NRG3: variants seen among roughly 807,000 people sequenced by gnomAD.
NRG3 encodes neuregulin 3, also known as pro-neuregulin-3, membrane-bound isoform.
Under a neutral mutation model 66.9 loss-of-function variants are expected in NRG3, and 31 were observed. That is an observed-to-expected ratio of 0.46 (90% CI 0.35 to 0.63). NRG3 has a LOEUF of 0.63. Ranked by LOEUF, NRG3 falls within the 20% of genes least tolerant of loss-of-function variation. NRG3 has a pLI of 0.00. For synonymous variants in NRG3, 393 were observed against 359.4 expected, an observed-to-expected ratio of 1.09 and a Z score of -1.06; for missense variants, 910 against 878.9, an observed-to-expected ratio of 1.04 and a Z score of -0.45.
chr10:82,126,339 CAT>C (rs1363755373), intron 1 of NRG3, among the ~76,000 whole-genome samples: 1 of 151,938 alleles, frequency 6.6e-6, no homozygotes, highest in African/African-American at 2.4e-5. Context: ...TTTCTACAAA[CAT>C]GTAGAACAAA....
chr10:82,508,736 A>C (rs1484633284), intron 2 of NRG3, among the ~76,000 whole-genome samples: 1 of 152,160 alleles, frequency 6.6e-6, no homozygotes, highest in African/African-American at 2.4e-5. Flanking sequence ...TGTTGAACCA[A>C]GTGGGATGCT....
At chr10:82,457,716 C>G (rs1357419625) in intron 2 of NRG3, among the ~76,000 whole-genome samples, 1 of 152,174 alleles carries the variant, frequency 6.6e-6, no homozygotes, top group Non-Finnish European at 1.5e-5. Flanking sequence ...TCAGCACACA[C>G]TGGGAGCACA....
At position 82,395,642 on chromosome 10, in the gene NRG3, A is replaced by G. The variant is rs1383550557; in HGVS notation, c.953+36774A>G. ...TCATCCTTCCATCATTCATCCATCCATCTATCCATTTATCCATCCATCCAT... is the reference window on the plus strand; with the variant it reads ...TCATCCTTCCATCATTCATCCATCCGTCTATCCATTTATCCATCCATCCAT... On this transcript the variant is annotated intron_variant, in intron 2 of 8. Coordinates refer to ENST00000372141, the MANE Select transcript of NRG3 (RefSeq NM_001010848.4). Among the ~76,000 whole-genome samples, 5 of 152,108 alleles carry G rather than the reference A, an allele frequency of 3.3e-5. No individual in the cohort carries two copies. The South Asian group carries it at 8.3e-4, about 25-fold the overall frequency.
At chr10:82,783,178 A>G (rs2060192632) in intron 3 of NRG3, among the ~76,000 whole-genome samples, 1 of 152,194 alleles carries the variant, frequency 6.6e-6, no homozygotes, top group Non-Finnish European at 1.5e-5. Flanking sequence ...AAAAACTCTC[A>G]ATAAATTAGG....
intron 1 of NRG3, among the ~76,000 whole-genome samples, chr10:81,971,054 C>T (rs2059915586): frequency 1.3e-5 from 2 of 152,106 alleles, no homozygotes; most frequent in African/African-American, 4.8e-5. Context: ...ATAGGAGAAT[C>T]GCTTGAACCT....
chr10:82,047,319 T>C (rs1345075190), intron 1 of NRG3, among the ~76,000 whole-genome samples: 1 of 151,780 alleles, frequency 6.6e-6, no homozygotes, highest in African/African-American at 2.4e-5. Context: ...AAAGTTGAAA[T>C]GAAGGAGAAA....
chr10:82,808,688 A>G (rs376932558), intron 3 of NRG3, among the ~76,000 whole-genome samples: 2 of 152,198 alleles, frequency 1.3e-5, no homozygotes, highest in African/African-American at 4.8e-5. Context: ...CCCATGCTTC[A>G]TGTTTTAAAT....
chr10:82,952,998 C>G (rs1002189485), intron 5 of NRG3, among the ~76,000 whole-genome samples: 5 of 151,932 alleles, frequency 3.3e-5, no homozygotes, highest in Non-Finnish European at 7.3e-5. Context: ...GTACATTTGT[C>G]ACAATTAATG....
chr10:82,550,925 G>T (rs1031741281), intron 2 of NRG3, among the ~76,000 whole-genome samples: 2 of 151,994 alleles, frequency 1.3e-5, no homozygotes, highest in African/African-American at 4.8e-5. Flanking sequence ...TTAGCATTCG[G>T]GTACTTGGTT....
At chr10:82,616,744 G>T (rs932297085) in intron 2 of NRG3, among the ~76,000 whole-genome samples, 1 of 152,056 alleles carries the variant, frequency 6.6e-6, no homozygotes, top group African/African-American at 2.4e-5. Flanking sequence ...TGAACTGTTT[G>T]CTTCTATATT....
intron 2 of NRG3, among the ~76,000 whole-genome samples, chr10:82,720,663 T>C (rs2134497036): frequency 6.6e-6 from 1 of 152,010 alleles, no homozygotes; most frequent in East Asian, 1.9e-4. Context: ...TGTAATGCTC[T>C]CAGCACATGG....
intron 3 of NRG3, among the ~76,000 whole-genome samples, chr10:82,821,197 T>C (rs1450107244): frequency 1.3e-5 from 2 of 152,186 alleles, no homozygotes; most frequent in African/African-American, 4.8e-5. Context: ...AGCTGCCCTC[T>C]TTGTGGCATC....
chr10:82,898,929 C>T (rs1843941666), intron 4 of NRG3, among the ~76,000 whole-genome samples: 1 of 151,816 alleles, frequency 6.6e-6, no homozygotes, highest in Non-Finnish European at 1.5e-5. Context: ...GCCAGAGGGT[C>T]TCAATCTCCT....
chr10:82,278,328 A>G (rs1211675150), intron 1 of NRG3, among the ~76,000 whole-genome samples: 1 of 152,038 alleles, frequency 6.6e-6, no homozygotes, highest in Non-Finnish European at 1.5e-5. Flanking sequence ...GAAGACCTAC[A>G]CATCTTGCTG....
chr10:82,008,049 C>T (rs777354920), intron 1 of NRG3, among the ~76,000 whole-genome samples: 5 of 152,156 alleles, frequency 3.3e-5, no homozygotes, highest in Non-Finnish European at 5.9e-5. Context: ...TTGCCAGGCA[C>T]AGCTGGTTTT....
At chr10:81,944,703 T>C (rs1482397435) in intron 1 of NRG3, among the ~76,000 whole-genome samples, 3 of 152,096 alleles carry the variant, frequency 2.0e-5, no homozygotes, top group African/African-American at 7.2e-5. Flanking sequence ...AAAACAAGGC[T>C]GATCTTCCGT....
chr10:82,109,108 A>G (rs1322190736), intron 1 of NRG3, among the ~76,000 whole-genome samples: 1 of 152,204 alleles, frequency 6.6e-6, no homozygotes, highest in Non-Finnish European at 1.5e-5. Context: ...CTTGAATAAA[A>G]GAACCAATTA....
At chr10:82,749,283 C>G (rs867059509) in intron 3 of NRG3, among the ~76,000 whole-genome samples, 1 of 151,750 alleles carries the variant, frequency 6.6e-6, no homozygotes, top group East Asian at 1.9e-4. Flanking sequence ...AGCATGACTC[C>G]CCAGAGAGAA....
chr10:82,891,964 A>C (rs2136127130), intron 4 of NRG3, among the ~76,000 whole-genome samples: 1 of 152,200 alleles, frequency 6.6e-6, no homozygotes, highest in South Asian at 2.1e-4. Flanking sequence ...TTATCAAAAA[A>C]ATTTTAAAAA....
Sources: gnomAD v4.1 joint callset for allele counts (sites outside exome capture counted in the v4.1 genomes callset) on GRCh38, gnomAD v4.1.1 for gene constraint, MANE v1.5 for transcripts, NCBI Gene and HGNC (gene_info 2026-07-23, HGNC 2026-07-21) for gene names.